Variants in CCDC125 observed in about 807,000 individuals in gnomAD.
The protein encoded by CCDC125 is coiled-coil domain containing 125.
Under a neutral mutation model 57.4 loss-of-function variants are expected in CCDC125, and 43 were observed. The ratio of observed to expected loss-of-function variants is 0.75; its 90% CI spans 0.59 to 0.97. The LOEUF (loss-of-function observed/expected upper bound fraction) is 0.97. Ranked by LOEUF, CCDC125 falls within the 50% of genes least tolerant of loss-of-function variation. CCDC125 has a pLI of 0.00. For synonymous variants in CCDC125, 187 were observed against 195.2 expected, an observed-to-expected ratio of 0.96 and a Z score of 0.35; for missense variants, 563 against 595.7, an observed-to-expected ratio of 0.95 and a Z score of 0.57.
intron 4 of CCDC125, chr5:69,309,565 C>T (rs886377048): frequency 6.6e-6 from 1 of 152,232 alleles, no homozygotes; most frequent in African/African-American, 2.4e-5. Context: ...CCTGGATGTC[C>T]AGGCAGAAGT....
downstream of CCDC125, among the ~76,000 whole-genome samples, chr5:69,278,579 G>T (rs1457046187): frequency 6.6e-6 from 1 of 151,956 alleles, no homozygotes; most frequent in African/African-American, 2.4e-5. Context: ...CTATGAAATT[G>T]GTGTGTATCT....
intron 3 of CCDC125, chr5:69,313,227 T>C: frequency 2.1e-6 from 1 of 481,426 alleles, no homozygotes; most frequent in Non-Finnish European, 3.8e-6. Context: ...GTGGGAGGTC[T>C]GTTTGGCAAC....
chr5:69,307,655 C>T (rs1757537766), intron 5 of CCDC125: 2 of 291,922 alleles, frequency 6.9e-6, no homozygotes, highest in Admixed American at 9.4e-5. Flanking sequence ...GCACTCCAGC[C>T]TGGGCGACAG....
chr5:69,295,886 C>CT (rs35947616), intron 8 of CCDC125, among the ~76,000 whole-genome samples: 55,316 of 140,720 alleles, frequency 0.39, 11,609 homozygotes, highest in South Asian at 0.46. Flanking sequence ...ACACTGACTT[C>CT]TTTTTTTTTT....
chr5:69,306,298 T>C (rs1240733433), intron 6 of CCDC125, among the ~76,000 whole-genome samples: 1 of 152,114 alleles, frequency 6.6e-6, no homozygotes, highest in Non-Finnish European at 1.5e-5. Flanking sequence ...TATTTTAAGA[T>C]AGAGTTTATA....
intron 1 of CCDC125, among the ~76,000 whole-genome samples, chr5:69,322,079 G>A (rs1442902871): frequency 1.3e-5 from 2 of 151,930 alleles, no homozygotes; most frequent in Non-Finnish European, 2.9e-5. Flanking sequence ...GACCTCAGGT[G>A]ATCTGCCTGC....
In CCDC125 at chr5:69,281,433, A is replaced by C. The variant is rs1233590591; in HGVS notation, c.*1296T>G. 6.6e-6 allele frequency: 1 copy of C among 152,120 alleles called. No individual in the cohort carries two copies. The highest frequency in any genetic ancestry group is 1.5e-5 in the Non-Finnish European group (1 of 68,056). The allele number at this position is 152,120 out of a possible 1,614,324, so 9.4% of individuals were successfully genotyped here. On this transcript the variant is annotated 3_prime_UTR_variant, in exon 12 of 12. Coordinates refer to ENST00000396496, the MANE Select transcript of CCDC125 (RefSeq NM_176816.5). ...AGCTTCTTCAGATTCCTGAGACCCC[A>C]TTTCCTGGATCATCACAACCATCTC...
chr5:69,302,104 A>AAAT (rs1266460993), intron 7 of CCDC125, among the ~76,000 whole-genome samples: 1 of 150,458 alleles, frequency 6.6e-6, no homozygotes, highest in African/African-American at 2.5e-5. Flanking sequence ...ATAAATAAAC[A>AAAT]AATAAATAAA....
At chr5:69,300,199 A>G (rs1756156445) in intron 7 of CCDC125, 72 bp from the exon 8 acceptor site, 3 of 1,054,576 alleles carry the variant, frequency 2.8e-6, no homozygotes, top group Non-Finnish European at 4.5e-6. Context: ...AGTTACCCCA[A>G]CATGACATAT....
intron 5 of CCDC125, among the ~76,000 whole-genome samples, chr5:69,307,358 G>A (rs772481998): frequency 2.0e-5 from 3 of 151,812 alleles, no homozygotes; most frequent in Non-Finnish European, 2.9e-5. Flanking sequence ...GCCAGGCAAC[G>A]ATAAGGATTT....
At chr5:69,320,720 T>C (rs1759893712) in intron 1 of CCDC125, 140 bp from the exon 2 acceptor site, 4 of 602,918 alleles carry the variant, frequency 6.6e-6, no homozygotes, top group South Asian at 4.1e-5. Context: ...CTGTTCACAA[T>C]AGCCAAGATA....
chr5:69,275,579 TGAC>T (rs1752035116), downstream of CCDC125, among the ~76,000 whole-genome samples: 1 of 152,224 alleles, frequency 6.6e-6, no homozygotes, highest in African/African-American at 2.4e-5. Context: ...TTTTGAATGA[TGAC>T]GTGATGCCAC....
In CCDC125 at chr5:69,313,863, CA is replaced by C. The variant is rs559732365; in HGVS notation, c.366+121del. 65 of 877,648 alleles carry C rather than the reference CA, an allele frequency of 7.4e-5. No homozygotes were observed. The African/African-American group carries it at 9.4e-4, about 13-fold the overall frequency. 54.4% of individuals were successfully genotyped at this position (877,648 alleles called of 1,614,324 possible). On this transcript the variant is annotated intron_variant, in intron 3 of 11. Transcript: ENST00000396496. ...ATGACACCATCAGAGACAGCCACAA[CA>C]GAGGCCATGTTTCCAGAAGCAAAAA...
intron 3 of CCDC125, chr5:69,313,386 C>A: frequency 2.6e-6 from 4 of 1,511,074 alleles, no homozygotes; most frequent in Non-Finnish European, 3.7e-6. Flanking sequence ...AAGGCTTGCC[C>A]TCCAGGGAGA....
chr5:69,279,911 C>A (rs1031380187), downstream of CCDC125, among the ~76,000 whole-genome samples: 1 of 152,132 alleles, frequency 6.6e-6, no homozygotes, highest in Non-Finnish European at 1.5e-5. Flanking sequence ...GCTGGGCAGG[C>A]CTCAGGAAAC....
At position 69,282,270 on chromosome 5, in the gene CCDC125, G is replaced by A. The variant is rs556613238; in HGVS notation, c.*459C>T. The A allele has an allele frequency of 2.6e-5, 4 of 151,066 alleles. No homozygotes were observed. The highest frequency in any genetic ancestry group is 4.1e-4 in the East Asian group (2 of 4,886). 9.4% of individuals were successfully genotyped at this position (151,066 alleles called of 1,614,324 possible). A position where few individuals can be genotyped will look rare whatever the true frequency, so the allele number is the denominator to read the frequency against. On this transcript the variant is annotated 3_prime_UTR_variant, in exon 12 of 12. Transcript: ENST00000396496. The stretch of plus-strand genomic sequence containing the variant: ...AGAATACTAATTTCTTGTAGAAAAT[G>A]TAGAAAATAGGCTGGGTGTGGTGGC...
At chr5:69,292,408 A>G (rs763582465) in intron 9 of CCDC125, 46 bp from the exon 10 acceptor site, 13 of 1,450,474 alleles carry the variant, frequency 9.0e-6, no homozygotes, top group Non-Finnish European at 1.2e-5. Context: ...CAAAACCAGA[A>G]CAATTCTTGC....
chr5:69,332,072 A>G (rs12522877), intron 1 of CCDC125, among the ~76,000 whole-genome samples: 20 of 152,274 alleles, frequency 1.3e-4, no homozygotes, highest in Admixed American at 5.9e-4. Context: ...TAGCCTGACA[A>G]CTCTGCCTTA....
intron 2 of CCDC125, among the ~76,000 whole-genome samples, chr5:69,319,777 G>A (rs62373187): frequency 0.34 from 51,166 of 151,522 alleles, 10,149 homozygotes; most frequent in Non-Finnish European, 0.46. Flanking sequence ...CACCACGCCC[G>A]GCTATCAACT....
Sources: gnomAD v4.1 joint callset for allele counts (sites outside exome capture counted in the v4.1 genomes callset) on GRCh38, gnomAD v4.1.1 for gene constraint, MANE v1.5 for transcripts, NCBI Gene and HGNC (gene_info 2026-07-23, HGNC 2026-07-21) for gene names.